The following MYH11 variants were observed in gnomAD, a reference collection of about 807,000 sequenced individuals.
MYH11 encodes myosin-11.
Under a neutral mutation model 246.6 loss-of-function variants are expected in MYH11, and 80 were observed. That is an observed-to-expected ratio of 0.32 (90% confidence interval 0.27 to 0.39). The LOEUF is 0.39. MYH11 is among the 10% of genes least tolerant of loss of function. MYH11 has a pLI of 1.00. For missense variants in MYH11, 2,158 were observed against 2,546.8 expected (o/e 0.85, Z 3.29); for synonymous variants, 1,071 against 1,015.5 (o/e 1.05, Z -1.04).
rs2040044641 is a variant in MYH11, at chr16:15,715,058, G to A, written c.5637C>T (p.Val1879=). Residue 1879 remains valine, a synonymous_variant, in exon 40 of 41, where the codon GTC becomes GTT. Coordinates refer to ENST00000300036, the MANE Select transcript of MYH11 (RefSeq NM_002474.3). ...CCTCCAGCTGCCTCTTGAGCTGCTT[G>A]ACCCTGGCATTGCCTTTCTCTGCCT... ...KEQAEKGNAR[V]KQLKRQLEEA... is the part of the protein sequence containing the mutation. 4.3e-6 allele frequency: 7 copies of A among 1,613,462 alleles called. No homozygotes were observed. Among genetic ancestry groups the A allele is most frequent in the Non-Finnish European group, 5.9e-6 (7 of 1,180,008 alleles).
At chr16:15,812,824 G>T (rs576060662) in intron 3 of MYH11, among the ~76,000 whole-genome samples, 5 of 152,054 alleles carry the variant, frequency 3.3e-5, no homozygotes, top group Admixed American at 3.3e-4. Context: ...AGTGAGCCGT[G>T]TTTGTGCCAC....
intron 9 of MYH11, among the ~76,000 whole-genome samples, chr16:15,769,841 T>C (rs949361202): frequency 6.6e-6 from 1 of 152,168 alleles, no homozygotes; most frequent in Non-Finnish European, 1.5e-5. Context: ...TTATTTTTTT[T>C]GTAGAGACAG....
Position 15,838,161 on chromosome 16 carries a change from G to A in MYH11, c.92C>T (p.Ala31Val). Residue 31 changes from alanine to valine, a missense_variant, in exon 2 of 41, where the codon GCC (alanine) becomes GTC (valine). Ala to Val is a moderately conservative substitution (Grantham distance 64, BLOSUM62 0). This residue lies in a region of MYH11 where 96 missense variants were observed against 91.9 expected (regional missense o/e 1.04). Transcript: ENST00000300036. ...GGGGACCCAGACGAGTCTCTTGGCGGCCCAGTCAGCCTGGGCCACTGGGCT... is the reference window on the plus strand; with the variant it reads ...GGGGACCCAGACGAGTCTCTTGGCGACCCAGTCAGCCTGGGCCACTGGGCT... ...INSPVAQADW[A>V]AKRLVWVPSE... 6.2e-7 allele frequency: 1 copy of A among 1,614,090 alleles called. No homozygotes were observed.
intron 1 of MYH11, among the ~76,000 whole-genome samples, chr16:15,849,804 A>G (rs1433537711): frequency 6.6e-6 from 1 of 152,198 alleles, no homozygotes; most frequent in Non-Finnish European, 1.5e-5. Context: ...GGAAGACCTT[A>G]GGATGTCAAG....
At chr16:15,726,568 A>G (rs2040770239) in intron 28 of MYH11, 9 of 527,972 alleles carry the variant, frequency 1.7e-5, no homozygotes, top group South Asian at 8.3e-5. Flanking sequence ...ACTTTTCACC[A>G]TGTTGGCCAG....
At chr16:15,799,955 G>T (rs1366485390) in intron 3 of MYH11, among the ~76,000 whole-genome samples, 1 of 151,960 alleles carries the variant, frequency 6.6e-6, no homozygotes, top group African/African-American at 2.4e-5. Flanking sequence ...TGAGTGGACG[G>T]AAGGAAGGAA....
intron 5 of MYH11, chr16:15,783,575 A>G (rs2042403474): frequency 6.6e-6 from 1 of 152,260 alleles, no homozygotes; most frequent in Non-Finnish European, 1.5e-5. Flanking sequence ...CTCAGCTACA[A>G]GTGGAATCAC....
chr16:15,753,500 A>T lies in MYH11; in HGVS notation c.1758T>A (p.Tyr586Ter). The T allele has an allele frequency of 6.2e-7, 1 of 1,613,974 alleles. No homozygotes were observed. Among genetic ancestry groups the T allele is most frequent in the Non-Finnish European group, 8.5e-7 (1 of 1,179,812 alleles). ...SIIHYAGKVD[Y>*]NASAWLTKNM... ...TCTTGGTCAGCCAGGCACTCGCATTATAGTCCACCTGCCAAGGACACCCTG... is the reference window on the plus strand; with the variant it reads ...TCTTGGTCAGCCAGGCACTCGCATTTTAGTCCACCTGCCAAGGACACCCTG... Residue 586 changes from tyrosine to a stop codon, truncating the protein, a stop_gained, in exon 15 of 41, where the codon TAT (tyrosine) becomes TAA (stop). Transcript: ENST00000300036. LOFTEE classifies it high-confidence loss of function.
chr16:15,740,288 C>T, intron 22 of MYH11, 100 bp from the exon 23 acceptor site: 1 of 1,561,758 alleles, frequency 6.4e-7, no homozygotes, highest in Non-Finnish European at 8.8e-7. Flanking sequence ...CCTGAAGATG[C>T]CCAGAACTCT....
chr16:15,738,825 G>C, intron 23 of MYH11, 137 bp from the exon 24 acceptor site: 1 of 1,054,842 alleles, frequency 9.5e-7, no homozygotes, highest in Non-Finnish European at 1.4e-6. Context: ...AGTTTTAAAT[G>C]GTAAAGAGAA....
At position 15,724,299 on chromosome 16, in the gene MYH11, C is replaced by G. The variant is rs2151218259; in HGVS notation, c.4227G>C (p.Glu1409Asp). The change falls in exon 31 of 41, where the codon GAG becomes GAC. Residue 1409 changes from glutamate (E) to aspartate (D), a missense_variant. Physicochemically the swap from Glu to Asp is conservative, Grantham distance 45. Transcript: ENST00000300036. ...KEIENLTQQY[E>D]EKAAAYDKLE... The stretch of plus-strand genomic sequence containing the variant: ...GTTTATCATAAGCGGCCGCCTTCTC[C>G]TCGTACTGCTGGGTGAGGTTCTCGA... 3 of 1,614,182 alleles carry G rather than the reference C, an allele frequency of 1.9e-6. No homozygotes were observed. Among genetic ancestry groups the G allele is most frequent in the Non-Finnish European group, 2.5e-6 (3 of 1,180,042 alleles).
intron 8 of MYH11, among the ~76,000 whole-genome samples, chr16:15,772,914 T>C (rs1389116292): frequency 6.6e-6 from 1 of 152,174 alleles, no homozygotes; most frequent in Admixed American, 6.6e-5. Context: ...AATCTGTCAC[T>C]GTCCCCCATC....
intron 2 of MYH11, among the ~76,000 whole-genome samples, chr16:15,832,954 T>A (rs2043782154): frequency 1.4e-4 from 4 of 28,748 alleles, no homozygotes; most frequent in Non-Finnish European, 2.2e-4. Flanking sequence ...TTTTTTTTTT[T>A]TTTTTTTTTT....
intron 4 of MYH11, among the ~76,000 whole-genome samples, chr16:15,787,490 T>C (rs2042498750): frequency 6.7e-6 from 1 of 148,274 alleles, no homozygotes; most frequent in Non-Finnish European, 1.5e-5. Context: ...ACTTTTTTTT[T>C]TTTTTTTTTT....
At chr16:15,777,330 C>A (rs1201235955) in intron 7 of MYH11, among the ~76,000 whole-genome samples, 1 of 152,140 alleles carries the variant, frequency 6.6e-6, no homozygotes, top group Non-Finnish European at 1.5e-5. Context: ...CCATATTGGC[C>A]AGGTGGTCTC....
intron 2 of MYH11, among the ~76,000 whole-genome samples, chr16:15,827,518 G>A (rs1567203538): frequency 6.6e-6 from 1 of 152,116 alleles, no homozygotes; most frequent in Non-Finnish European, 1.5e-5. Flanking sequence ...CATCCAGCCT[G>A]GTGGGGCTGG....
chr16:15,745,341 A>G (rs573489671), intron 19 of MYH11, 104 bp from the exon 20 acceptor site: 5 of 760,866 alleles, frequency 6.6e-6, no homozygotes, highest in Middle Eastern at 3.5e-4. Context: ...ACATGCCCCA[A>G]TCTCCCCAAC....
At chr16:15,787,403 A>G in intron 4 of MYH11, among the ~76,000 whole-genome samples, 2 of 151,856 alleles carry the variant, frequency 1.3e-5, no homozygotes, top group Non-Finnish European at 1.5e-5. Flanking sequence ...GCAAGACCTC[A>G]TCTCTAAAAA....
intron 3 of MYH11, among the ~76,000 whole-genome samples, chr16:15,806,283 A>G (rs796950768): frequency 4.9e-4 from 21 of 42,522 alleles, no homozygotes; most frequent in African/African-American, 3.9e-3. Context: ...CTGTCTCAAA[A>G]AAAAAAAAAA....
Sources: allele counts gnomAD v4.1 joint callset (sites outside exome capture counted in the v4.1 genomes callset), GRCh38; gene constraint gnomAD v4.1.1; regional missense constraint gnomAD v4.1.1; transcripts MANE v1.5; gene names NCBI Gene and HGNC (gene_info 2026-07-23, HGNC 2026-07-21).